RABGEF1: variants seen among roughly 807,000 people sequenced by gnomAD.
RABGEF1 encodes RAB guanine nucleotide exchange factor 1, also known as rab5 GDP/GTP exchange factor.
In RABGEF1, 26 loss-of-function variants were observed where a neutral mutation model predicts 57.3. That is an observed-to-expected ratio of 0.45 (90% confidence interval 0.33 to 0.63). The LOEUF is 0.63. Ranked by LOEUF, RABGEF1 falls within the 20% of genes least tolerant of loss-of-function variation. The probability of loss-of-function intolerance (pLI) is 0.02; values close to 1 mark genes in which losing one functional copy is unlikely to be tolerated. For missense variants in RABGEF1, 464 were observed against 607.6 expected (o/e 0.76, Z 2.48); for synonymous variants, 185 against 210.7 (o/e 0.88, Z 1.06).
the RABGEF1 span, among the ~76,000 whole-genome samples, chr7:66,655,051 A>G: frequency 7.2e-5 from 11 of 152,138 alleles, no homozygotes; most frequent in African/African-American, 2.7e-4. Flanking sequence ...ACCTCTCTGG[A>G]ACGCGCCTAG....
chr7:66,742,671 A>G (rs1455948948), intron 1 of RABGEF1, among the ~76,000 whole-genome samples: 3 of 152,170 alleles, frequency 2.0e-5, no homozygotes, highest in Non-Finnish European at 2.9e-5. Context: ...CAGTGACACG[A>G]TCACGAGTCA....
chr7:66,673,497 G>C, the RABGEF1 span, among the ~76,000 whole-genome samples: 1 of 151,296 alleles, frequency 6.6e-6, no homozygotes, highest in African/African-American at 2.4e-5. Flanking sequence ...GGCCCCACTT[G>C]AGCCTCATTT....
At chr7:66,772,415 A>G (rs759431588) in intron 2 of RABGEF1, among the ~76,000 whole-genome samples, 1 of 152,146 alleles carries the variant, frequency 6.6e-6, no homozygotes, top group Admixed American at 6.5e-5. Context: ...TACCCACTGC[A>G]GGGCTTGGAA....
intron 1 of RABGEF1, among the ~76,000 whole-genome samples, chr7:66,707,903 A>G (rs1347174693): frequency 2.6e-5 from 4 of 151,806 alleles, no homozygotes; most frequent in Non-Finnish European, 4.4e-5. Context: ...CTTAAAGCCA[A>G]TTTTTTTCTG....
In RABGEF1 at chr7:66,799,311, C is replaced by A; in HGVS notation, c.729-12C>A. ...TCCTTGGAGCTCTTGTTTACTGTCTCTCTCTCTTTAGAGCCCTGCGCTGGG... is the reference window on the plus strand; with the variant it reads ...TCCTTGGAGCTCTTGTTTACTGTCTATCTCTCTTTAGAGCCCTGCGCTGGG... On this transcript the variant is annotated splice_polypyrimidine_tract_variant and intron_variant, in intron 6 of 8. Transcript: ENST00000284957. 1 of 1,578,230 alleles carries A rather than the reference C, an allele frequency of 6.3e-7. No individual in the cohort carries two copies. Among genetic ancestry groups the A allele is most frequent in the African/African-American group, 1.3e-5 (1 of 74,212 alleles).
the RABGEF1 span, among the ~76,000 whole-genome samples, chr7:66,670,433 A>ATT: frequency 1.1e-3 from 126 of 116,040 alleles, 4 homozygotes; most frequent in Admixed American, 2.0e-3. Flanking sequence ...GAATGAGATG[A>ATT]TTTTTTTTTT....
chr7:66,809,337 C>CTACA lies in RABGEF1; in HGVS notation c.*54_*57dup, dbSNP rs1789161787. On this transcript the variant is annotated 3_prime_UTR_variant, in exon 9 of 9. Coordinates refer to ENST00000284957, the MANE Select transcript of RABGEF1 (RefSeq NM_014504.3). ...GAGCCTAAATTGTAGGTAGCCCTTA[C>CTACA]TACACTCAACTGATTGGGATCTAGA... 2 of 1,504,774 alleles carry CTACA rather than the reference C, an allele frequency of 1.3e-6. No homozygotes were observed. The highest frequency in any genetic ancestry group is 2.3e-5 in the East Asian group (1 of 44,084). 93.2% of individuals were successfully genotyped at this position (1,504,774 alleles called of 1,614,324 possible). A position where few individuals can be genotyped will look rare whatever the true frequency, so the allele number is the denominator to read the frequency against.
At chr7:66,657,157 T>C in the RABGEF1 span, among the ~76,000 whole-genome samples, 1 of 152,222 alleles carries the variant, frequency 6.6e-6, no homozygotes, top group Non-Finnish European at 1.5e-5. Flanking sequence ...CTAATGGTCA[T>C]ATGCAGACAC....
At chr7:66,808,542 TA>T (rs1276952750) in intron 8 of RABGEF1, among the ~76,000 whole-genome samples, 1 of 152,148 alleles carries the variant, frequency 6.6e-6, no homozygotes, top group African/African-American at 2.4e-5. Context: ...CACTTGATGT[TA>T]AAATATTCAT....
chr7:66,784,472 A>G (rs550403262), intron 4 of RABGEF1, among the ~76,000 whole-genome samples: 1 of 152,360 alleles, frequency 6.6e-6, no homozygotes, highest in East Asian at 1.9e-4. Flanking sequence ...GCAATAATTA[A>G]TAAGACTGCC....
At chr7:66,791,624 C>T (rs1276542889) in intron 4 of RABGEF1, among the ~76,000 whole-genome samples, 1 of 152,116 alleles carries the variant, frequency 6.6e-6, no homozygotes, top group East Asian at 1.9e-4. Context: ...ATGAAATACA[C>T]AGAAAACATA....
At chr7:66,752,973 C>G (rs553632093) in intron 1 of RABGEF1, among the ~76,000 whole-genome samples, 74 of 152,212 alleles carry the variant, frequency 4.9e-4, no homozygotes, top group Non-Finnish European at 7.8e-4. Flanking sequence ...TTGAGCACCT[C>G]CTCAGTTCCT....
intron 1 of RABGEF1, among the ~76,000 whole-genome samples, chr7:66,749,757 G>A (rs1800997103): frequency 6.6e-6 from 1 of 152,098 alleles, no homozygotes; most frequent in South Asian, 2.1e-4. Context: ...GGATCACGAG[G>A]TCAGGAGATA....
chr7:66,668,743 C>T, the RABGEF1 span: 3 of 152,234 alleles, frequency 2.0e-5, no homozygotes, highest in Admixed American at 6.6e-5. Flanking sequence ...GGGCCTTAAT[C>T]CCCACTTTCT....
intron 1 of RABGEF1, among the ~76,000 whole-genome samples, chr7:66,755,210 TG>T (rs1164719262): frequency 6.6e-6 from 1 of 151,990 alleles, no homozygotes; most frequent in Non-Finnish European, 1.5e-5. Flanking sequence ...AGGAGAATGG[TG>T]TGAACTTGGG....
chr7:66,732,714 A>ACTCTCTCTCGCT (rs1554310818), intron 2 of RABGEF1, among the ~76,000 whole-genome samples: 1 of 148,350 alleles, frequency 6.7e-6, no homozygotes, highest in Non-Finnish European at 1.5e-5. Flanking sequence ...TCTCTCGCTC[A>ACTCTCTCTCGCT]CTCTCTCTCG....
chr7:66,754,006 T>A (rs181492666), intron 1 of RABGEF1, among the ~76,000 whole-genome samples: 2,161 of 137,274 alleles, frequency 0.016, 143 homozygotes, highest in East Asian at 0.11. Flanking sequence ...TACTAGGCCA[T>A]TTTTTTTTTT....
chr7:66,764,497 C>G (rs775030619), intron 1 of RABGEF1, among the ~76,000 whole-genome samples: 2 of 152,168 alleles, frequency 1.3e-5, no homozygotes, highest in Non-Finnish European at 2.9e-5. Flanking sequence ...GTTGCTCCTG[C>G]TTTTGGTGCC....
chr7:66,699,784 T>C (rs758973175), intron 1 of RABGEF1, among the ~76,000 whole-genome samples: 6 of 151,516 alleles, frequency 4.0e-5, no homozygotes, highest in East Asian at 3.9e-4. Flanking sequence ...ACCCAGGAGG[T>C]TGAGGCTGCA....
Sources: gnomAD v4.1 joint callset for allele counts (sites outside exome capture counted in the v4.1 genomes callset) on GRCh38, gnomAD v4.1.1 for gene constraint, MANE v1.5 for transcripts, NCBI Gene and HGNC (gene_info 2026-07-23, HGNC 2026-07-21) for gene names.